Variants in MRPS31 observed in about 807,000 individuals in gnomAD.
MRPS31 encodes mitochondrial ribosomal protein S31, also known as small ribosomal subunit protein mS31.
In MRPS31, 32 loss-of-function variants were observed where a neutral mutation model predicts 43.1. That is an observed-to-expected ratio of 0.74 (90% CI 0.56 to 1.00). The LOEUF (loss-of-function observed/expected upper bound fraction) is 1.00, where lower values mean the gene tolerates loss of function less well. Among genes scored for constraint, MRPS31 ranks in the 50% least tolerant of loss-of-function variants. The probability of loss-of-function intolerance (pLI) is 0.00; values close to 1 mark genes in which losing one functional copy is unlikely to be tolerated. For synonymous variants in MRPS31, 165 were observed against 161.6 expected (o/e 1.02, Z -0.16); for missense variants, 437 against 466.7 (o/e 0.94, Z 0.59).
chr13:40,765,570 CAGG>C (rs144436592), intron 2 of MRPS31, among the ~76,000 whole-genome samples: 20 of 151,872 alleles, frequency 1.3e-4, no homozygotes, highest in African/African-American at 4.3e-4. Context: ...TTTCTAAAAG[CAGG>C]AGGAGGAGGA....
chr13:40,756,914 G>C lies in MRPS31; in HGVS notation c.699C>G (p.Asp233Glu), dbSNP rs201720205. Residue 233 changes from aspartate to glutamate, a missense_variant, in exon 4 of 7, where the codon GAC (aspartate) becomes GAG (glutamate). Asp to Glu is a conservative substitution (Grantham distance 45, BLOSUM62 2). Coordinates refer to ENST00000323563, the MANE Select transcript of MRPS31 (RefSeq NM_005830.4). Reference sequence around the variant, plus strand: ...CCGTCTTCTCCTGGCCAGGATAATTGTCATAGCCTTCATCAAACTGAATCC... The same window carrying C: ...CCGTCTTCTCCTGGCCAGGATAATTCTCATAGCCTTCATCAAACTGAATCC... ...ELRIQFDEGY[D>E]NYPGQEKTDD... The C allele has an allele frequency of 3.3e-5, 54 of 1,613,728 alleles. No individual in the cohort carries two copies. The highest frequency in any genetic ancestry group is 4.6e-5 in the Non-Finnish European group (54 of 1,179,940).
intron 2 of MRPS31, among the ~76,000 whole-genome samples, chr13:40,766,445 C>T (rs1880849196): frequency 6.6e-6 from 1 of 152,154 alleles, no homozygotes; most frequent in Admixed American, 6.5e-5. Context: ...AAGCACGCAC[C>T]ACCATGCCCA....
At chr13:40,734,461 T>C (rs1209766780) in intron 6 of MRPS31, among the ~76,000 whole-genome samples, 1 of 152,158 alleles carries the variant, frequency 6.6e-6, no homozygotes, top group East Asian at 1.9e-4. Context: ...TTTTTGTGCA[T>C]GTGAATTTGA....
Position 40,756,878 on chromosome 13 carries a change from T to C in MRPS31, c.735A>G (p.Lys245=), listed in dbSNP as rs377188729. ...CAGATTACAAAGCCTGATACCTTTT[T>C]TTAAGATCATCCGTCTTCTCCTGGC... The part of the protein sequence containing the change: ...YPGQEKTDDL[K]KRKNIFTGKR... Residue 245 remains lysine, a synonymous_variant, in exon 4 of 7, where the codon AAA becomes AAG. Coordinates refer to ENST00000323563, the MANE Select transcript of MRPS31 (RefSeq NM_005830.4). The C allele has an allele frequency of 1.2e-6, 2 of 1,612,938 alleles. No individual in the cohort carries two copies. The highest frequency in any genetic ancestry group is 2.2e-5 in the South Asian group (2 of 90,686).
intron 6 of MRPS31, among the ~76,000 whole-genome samples, chr13:40,735,317 C>T (rs1370899175): frequency 1.3e-5 from 2 of 152,220 alleles, no homozygotes; most frequent in Non-Finnish European, 2.9e-5. Flanking sequence ...GCACAGCAGT[C>T]TGAGATCAAA....
intron 6 of MRPS31, among the ~76,000 whole-genome samples, chr13:40,735,269 C>T (rs1033128675): frequency 3.3e-5 from 5 of 152,190 alleles, no homozygotes; most frequent in Non-Finnish European, 1.5e-5. Flanking sequence ...GCACCTGGCT[C>T]AGAGGGTCCT....
intron 6 of MRPS31, among the ~76,000 whole-genome samples, chr13:40,742,822 A>G (rs74242788): frequency 0.03 from 4,591 of 152,310 alleles, 176 homozygotes; most frequent in East Asian, 0.14. Flanking sequence ...CTAGGAAAGC[A>G]TATCAAAAAT....
intron 6 of MRPS31, among the ~76,000 whole-genome samples, chr13:40,736,900 CATA>C (rs1490129192): frequency 6.6e-6 from 1 of 150,602 alleles, no homozygotes; most frequent in Non-Finnish European, 1.5e-5. Context: ...CAGCTAACAT[CATA>C]ATGACAGGAT....
chr13:40,732,499 C>T (rs559345397), intron 6 of MRPS31, among the ~76,000 whole-genome samples: 3 of 152,166 alleles, frequency 2.0e-5, no homozygotes, highest in African/African-American at 7.2e-5. Context: ...TTTGGGAGGC[C>T]GAGGCAGGAG....
At chr13:40,746,093 C>T (rs1289860679) in intron 6 of MRPS31, among the ~76,000 whole-genome samples, 1 of 152,204 alleles carries the variant, frequency 6.6e-6, no homozygotes, top group African/African-American at 2.4e-5. Context: ...AAACACCATA[C>T]TGCGAACTAA....
chr13:40,731,030 G>A (rs1333712072), intron 6 of MRPS31: 1 of 152,222 alleles, frequency 6.6e-6, no homozygotes, highest in Non-Finnish European at 1.5e-5. Flanking sequence ...GGGAGGCTGA[G>A]GCAGGGGGAT....
intron 4 of MRPS31, among the ~76,000 whole-genome samples, chr13:40,756,614 G>A (rs1013515779): frequency 2.0e-5 from 3 of 152,126 alleles, no homozygotes; most frequent in African/African-American, 7.2e-5. Context: ...TAAATGAAAG[G>A]ACCCCTATTC....
At chr13:40,734,747 T>A (rs1879825703) in intron 6 of MRPS31, among the ~76,000 whole-genome samples, 1 of 151,812 alleles carries the variant, frequency 6.6e-6, no homozygotes, top group Non-Finnish European at 1.5e-5. Flanking sequence ...GAAAAAAAAA[T>A]TAGCCAGGCA....
At position 40,738,637 on chromosome 13, in the gene MRPS31, C is replaced by T. The variant is rs1181691717; in HGVS notation, c.959-9036G>A. Among the ~76,000 whole-genome samples the T allele has an allele frequency of 1.6e-4, 24 of 152,148 alleles. No homozygotes were observed. The South Asian group carries it at 1.7e-3, about 11-fold the overall frequency. Reference sequence around the variant, plus strand: ...TGGGATGCAAGGCTGGTTCAATATACGCAAATCAATAAATGTAATCCAGCA... The same window carrying T: ...TGGGATGCAAGGCTGGTTCAATATATGCAAATCAATAAATGTAATCCAGCA... On this transcript the variant is annotated intron_variant, in intron 6 of 6. Transcript: ENST00000323563.
intron 6 of MRPS31, among the ~76,000 whole-genome samples, chr13:40,748,432 C>G (rs951786272): frequency 4.5e-4 from 69 of 152,384 alleles, no homozygotes; most frequent in Non-Finnish European, 6.9e-4. Context: ...GTTGGGATAA[C>G]AGGCGTGAGC....
intron 1 of MRPS31, among the ~76,000 whole-genome samples, chr13:40,768,459 G>A (rs1228577169): frequency 6.6e-6 from 1 of 151,584 alleles, no homozygotes; most frequent in Admixed American, 6.6e-5. Context: ...TTTGAGACAG[G>A]GCCTCACTCT....
At chr13:40,770,579 G>T (rs1193515336) in intron 1 of MRPS31, among the ~76,000 whole-genome samples, 1 of 152,174 alleles carries the variant, frequency 6.6e-6, no homozygotes, top group Non-Finnish European at 1.5e-5. Context: ...CTACTTTCTG[G>T]AACTACACGC....
chr13:40,750,226 G>C (rs990629263), intron 5 of MRPS31, among the ~76,000 whole-genome samples: 1 of 152,278 alleles, frequency 6.6e-6, no homozygotes, highest in African/African-American at 2.4e-5. Context: ...AACAGCATAT[G>C]GATGAATCTC....
intron 3 of MRPS31, 26 bp downstream of exon 3, chr13:40,758,922 C>T: frequency 6.6e-7 from 1 of 1,517,426 alleles, no homozygotes; most frequent in Non-Finnish European, 8.8e-7. Flanking sequence ...ATAAACATTA[C>T]TGACTTAAGG....
Sources: allele counts gnomAD v4.1 joint callset (sites outside exome capture counted in the v4.1 genomes callset), GRCh38; gene constraint gnomAD v4.1.1; transcripts MANE v1.5; gene names NCBI Gene and HGNC (gene_info 2026-07-23, HGNC 2026-07-21).